UCK2: variants seen among roughly 807,000 people sequenced by gnomAD.
UCK2 encodes the protein uridine-cytidine kinase 2.
In UCK2, 6 loss-of-function variants were observed where a neutral mutation model predicts 30.8. That is an observed-to-expected ratio of 0.19 (90% CI 0.11 to 0.38). The LOEUF is 0.38. Ranked by LOEUF, UCK2 falls within the 10% of genes least tolerant of loss-of-function variation. The probability of loss-of-function intolerance (pLI) is 1.00; values close to 1 mark genes in which losing one functional copy is unlikely to be tolerated. For synonymous variants in UCK2, 125 were observed against 133.6 expected, an observed-to-expected ratio of 0.94 and a Z score of 0.45; for missense variants, 210 against 339.8, an observed-to-expected ratio of 0.62 and a Z score of 3.00.
intron 1 of UCK2, among the ~76,000 whole-genome samples, chr1:165,828,314 G>A (rs1653949784): frequency 6.6e-6 from 1 of 152,166 alleles, no homozygotes; most frequent in South Asian, 2.1e-4. Context: ...ACTAACCCCC[G>A]ATGGACTCCC....
intron 1 of UCK2, among the ~76,000 whole-genome samples, chr1:165,864,302 C>G (rs574791675): frequency 4.6e-5 from 7 of 152,358 alleles, no homozygotes; most frequent in Admixed American, 4.6e-4. Flanking sequence ...GGTCCTAGGT[C>G]TGCCACCTCT....
At chr1:165,885,504 G>A (rs1479166940) in intron 1 of UCK2, 4 of 392,598 alleles carry the variant, frequency 1.0e-5, no homozygotes, top group Non-Finnish European at 1.8e-5. Flanking sequence ...AACAGTCCTA[G>A]CAGACCTTTA....
chr1:165,847,103 G>C (rs1184363480), intron 1 of UCK2, among the ~76,000 whole-genome samples: 1 of 151,728 alleles, frequency 6.6e-6, no homozygotes, highest in Non-Finnish European at 1.5e-5. Flanking sequence ...TAACATATAG[G>C]TTATTACTTT....
chr1:165,874,728 C>T (rs1655291298), intron 1 of UCK2, among the ~76,000 whole-genome samples: 3 of 152,158 alleles, frequency 2.0e-5, no homozygotes, highest in South Asian at 4.2e-4. Context: ...TCCTTTTCTT[C>T]CATCTATAGG....
intron 1 of UCK2, among the ~76,000 whole-genome samples, chr1:165,839,878 G>A (rs1571264950): frequency 1.3e-5 from 2 of 152,350 alleles, no homozygotes. Context: ...CGTGATTCAT[G>A]TTCTGTGCAG....
At chr1:165,894,852 T>C (rs1221020150) in intron 3 of UCK2, among the ~76,000 whole-genome samples, 1 of 152,160 alleles carries the variant, frequency 6.6e-6, no homozygotes, top group Non-Finnish European at 1.5e-5. Context: ...TTTGCACAGA[T>C]GGAACTACTG....
At chr1:165,856,255 C>G (rs1654742616) in intron 1 of UCK2, among the ~76,000 whole-genome samples, 1 of 151,968 alleles carries the variant, frequency 6.6e-6, no homozygotes. Flanking sequence ...CTTGAATCTT[C>G]TCTTTGAATT....
At chr1:165,870,356 C>T (rs1655166009) in intron 1 of UCK2, among the ~76,000 whole-genome samples, 1 of 149,390 alleles carries the variant, frequency 6.7e-6, no homozygotes, top group East Asian at 2.0e-4. Context: ...GTCCAGTTTT[C>T]CCAGTACCAT....
At chr1:165,885,567 T>C (rs1459830913) in intron 1 of UCK2, among the ~76,000 whole-genome samples, 1 of 152,202 alleles carries the variant, frequency 6.6e-6, no homozygotes, top group Non-Finnish European at 1.5e-5. Context: ...GGACAGAATA[T>C]ATTCTGGATT....
intron 1 of UCK2, among the ~76,000 whole-genome samples, chr1:165,855,086 G>C (rs935106678): frequency 2.6e-5 from 4 of 152,218 alleles, no homozygotes; most frequent in African/African-American, 9.6e-5. Context: ...ATTGTAAGGA[G>C]TGCAGATGGT....
chr1:165,857,153 G>A (rs1654768730), intron 1 of UCK2, among the ~76,000 whole-genome samples: 1 of 152,128 alleles, frequency 6.6e-6, no homozygotes, highest in Non-Finnish European at 1.5e-5. Context: ...ATATTAACAT[G>A]ACAAAACTAA....
At chr1:165,892,727 CTGCAGAAGAA>C (rs991244127) in intron 3 of UCK2, 3 of 152,258 alleles carry the variant, frequency 2.0e-5, no homozygotes, top group African/African-American at 7.2e-5. Flanking sequence ...AGGCAAGGGC[CTGCAGAAGAA>C]TGTAAAGGAG....
intron 1 of UCK2, among the ~76,000 whole-genome samples, chr1:165,855,333 C>T (rs1300187386): frequency 2.6e-5 from 4 of 152,092 alleles, no homozygotes; most frequent in Non-Finnish European, 5.9e-5. Context: ...TATTTTGCAG[C>T]AAAGATGTCC....
chr1:165,904,656 T>C (rs982336221), intron 5 of UCK2, among the ~76,000 whole-genome samples: 3 of 152,206 alleles, frequency 2.0e-5, no homozygotes, highest in Non-Finnish European at 4.4e-5. Flanking sequence ...ATCAGCTCAT[T>C]CCCCTGTAAG....
At chr1:165,858,426 C>G (rs865847517) in intron 1 of UCK2, among the ~76,000 whole-genome samples, 1 of 152,170 alleles carries the variant, frequency 6.6e-6, no homozygotes, top group Non-Finnish European at 1.5e-5. Context: ...CAGTCCACCC[C>G]CTTGGGAGCC....
intron 1 of UCK2, among the ~76,000 whole-genome samples, chr1:165,844,271 G>A (rs6684730): frequency 0.98 from 148,932 of 152,358 alleles, 72,864 homozygotes; most frequent in East Asian, 1. Context: ...CTCCCTCCTC[G>A]TAGTTGACAT....
At chr1:165,874,540 A>AG (rs1655285728) in intron 1 of UCK2, among the ~76,000 whole-genome samples, 1 of 152,190 alleles carries the variant, frequency 6.6e-6, no homozygotes, top group Non-Finnish European at 1.5e-5. Context: ...TAAAAGGGAT[A>AG]GGGCAGGGAT....
chr1:165,903,546 C>A (rs967656642), intron 5 of UCK2, among the ~76,000 whole-genome samples: 11 of 152,088 alleles, frequency 7.2e-5, no homozygotes. Context: ...CCAGCTAGTT[C>A]TAGGTTTCTT....
intron 2 of UCK2, among the ~76,000 whole-genome samples, chr1:165,890,637 C>T (rs181046045): frequency 1.3e-5 from 2 of 152,280 alleles, no homozygotes; most frequent in Admixed American, 1.3e-4. Flanking sequence ...ATGGGCCAGA[C>T]ATGAGGTCGA....
Sources: gnomAD v4.1 joint callset for allele counts (sites outside exome capture counted in the v4.1 genomes callset) on GRCh38, gnomAD v4.1.1 for gene constraint, MANE v1.5 for transcripts, NCBI Gene and HGNC (gene_info 2026-07-23, HGNC 2026-07-21) for gene names.